DNAH8: variants seen among roughly 807,000 people sequenced by gnomAD.
The protein encoded by DNAH8 is axonemal beta dynein heavy chain 8.
In DNAH8, 382 loss-of-function variants were observed where a neutral mutation model predicts 562.1. The ratio of observed to expected loss-of-function variants is 0.68; its 90% CI spans 0.63 to 0.74. The LOEUF is 0.74. DNAH8 is among the 30% of genes least tolerant of loss of function. The probability of loss-of-function intolerance (pLI) is 0.00; values close to 1 mark genes in which losing one functional copy is unlikely to be tolerated. For synonymous variants in DNAH8, 1,881 were observed against 1,919.4 expected (o/e 0.98, Z 0.52); for missense variants, 5,203 against 5,620.4 (o/e 0.93, Z 2.37).
In DNAH8 at chr6:38,931,799, G is replaced by T; in HGVS notation, c.11275-12G>T. The T allele has an allele frequency of 8.6e-6, 13 of 1,518,964 alleles. No individual in the cohort carries two copies. The highest frequency in any genetic ancestry group is 1.3e-5 in the South Asian group (1 of 75,482). 94.1% of individuals were successfully genotyped at this position (1,518,964 alleles called of 1,614,324 possible). The stretch of plus-strand genomic sequence containing the variant: ...TTAAGCTGTTTTTAATTTTATATGT[G>T]AATTTATGTAGGTGAAAGTCGGTGA... On this transcript the variant is annotated splice_polypyrimidine_tract_variant and intron_variant, in intron 75 of 92. Transcript: ENST00000327475.
intron 76 of DNAH8, among the ~76,000 whole-genome samples, chr6:38,935,320 G>A (rs377709571): frequency 6.6e-6 from 1 of 152,202 alleles, no homozygotes; most frequent in Non-Finnish European, 1.5e-5. Context: ...GAGAGCTTGG[G>A]GTAATTGGGC....
At position 38,915,207 on chromosome 6, in the gene DNAH8, G is replaced by A. The variant is rs1375381076; in HGVS notation, c.9970G>A (p.Ala3324Thr). 6.3e-7 allele frequency: 1 copy of A among 1,599,262 alleles called. No individual in the cohort carries two copies. Among genetic ancestry groups the A allele is most frequent in the Non-Finnish European group, 8.5e-7 (1 of 1,175,266 alleles). Residue 3324 changes from alanine to threonine, a missense_variant, in exon 68 of 93, where the codon GCA becomes ACA. Transcript: ENST00000327475. Reference protein sequence around the residue: ...VASIKADEVLAEVTVSAQASA... With the variant: ...VASIKADEVLTEVTVSAQASA... ...TGTTTCCTCAACTTAACAGGTATTAGCAGAAGTCACAGTAAGCGCTCAGGC... is the reference window on the plus strand; with the variant it reads ...TGTTTCCTCAACTTAACAGGTATTAACAGAAGTCACAGTAAGCGCTCAGGC...
At chr6:38,862,164 G>T in intron 43 of DNAH8, 116 bp from the exon 44 acceptor site, 2 of 823,954 alleles carry the variant, frequency 2.4e-6, no homozygotes, top group Non-Finnish European at 3.8e-6. Context: ...CTTTTATGTG[G>T]GCTACTCAGA....
At chr6:38,815,370 C>G (rs151098346) in intron 25 of DNAH8, 98 bp from the exon 26 acceptor site, 1 of 933,666 alleles carries the variant, frequency 1.1e-6, no homozygotes, top group Non-Finnish European at 1.6e-6. Flanking sequence ...CTGGGCCAGC[C>G]GAGGCTTGCC....
intron 48 of DNAH8, 52 bp from the exon 49 acceptor site, chr6:38,870,349 T>C: frequency 6.4e-7 from 1 of 1,552,644 alleles, no homozygotes; most frequent in Non-Finnish European, 8.9e-7. Context: ...AGCTAGCTGA[T>C]AAATGTTTGT....
rs377254876 is a variant in DNAH8, at chr6:38,874,068, T to TTCTTTCTTTTTCTTTCTTTCTTTCTTTC, written c.7620+693_7620+694insCTTTCTTTTTCTTTCTTTCTTTCTTTCT. Among the ~76,000 whole-genome samples the TTCTTTCTTTTTCTTTCTTTCTTTCTTTC allele has an allele frequency of 4.9e-4, 28 of 57,076 alleles. 11 individuals are homozygous for TTCTTTCTTTTTCTTTCTTTCTTTCTTTC. The highest frequency in any genetic ancestry group is 1.4e-3 in the South Asian group (2 of 1,408). 37.4% of individuals were successfully genotyped at this position (57,076 alleles called of 152,430 possible). On this transcript the variant is annotated intron_variant, in intron 52 of 92. Transcript: ENST00000327475. Reference sequence around the variant, plus strand: ...TTTCTTTCTTTCTTTCTTTCTTTCTTTTTCTTTCTTTCTTTCTTTCTTTCT... The same window carrying TTCTTTCTTTTTCTTTCTTTCTTTCTTTC: ...TTTCTTTCTTTCTTTCTTTCTTTCTTTCTTTCTTTTTCTTTCTTTCTTTCTTTCTTTCTTTCTTTCTTTCTTTCTTTCT...
chr6:39,008,233 A>G (rs1765924823), intron 88 of DNAH8, among the ~76,000 whole-genome samples: 1 of 152,052 alleles, frequency 6.6e-6, no homozygotes, highest in Non-Finnish European at 1.5e-5. Context: ...TACATGGTAA[A>G]TCTTTATTGA....
chr6:38,874,068 T>TTCTTTCTTTCTTTCTCTTTC (rs377254876), intron 52 of DNAH8, among the ~76,000 whole-genome samples: 2 of 57,062 alleles, frequency 3.5e-5, no homozygotes, highest in African/African-American at 6.4e-5. Context: ...CTTTCTTTCT[T>TTCTTTCTTTCTTTCTCTTTC]TTTCTTTCTT....
At chr6:38,944,274 T>G (rs1561896649) in intron 79 of DNAH8, among the ~76,000 whole-genome samples, 1 of 152,158 alleles carries the variant, frequency 6.6e-6, no homozygotes, top group East Asian at 1.9e-4. Flanking sequence ...GGTTTACACA[T>G]TGTTCTAAAG....
chr6:39,012,096 T>A (rs1766249090), intron 89 of DNAH8, 119 bp from the exon 90 acceptor site: 3 of 649,690 alleles, frequency 4.6e-6, no homozygotes, highest in Non-Finnish European at 7.3e-6. Flanking sequence ...ATTTTAGAAT[T>A]CATTTGGGCT....
At chr6:38,819,937 A>C (rs538025834) in intron 26 of DNAH8, among the ~76,000 whole-genome samples, 1 of 152,344 alleles carries the variant, frequency 6.6e-6, no homozygotes, top group South Asian at 2.1e-4. Flanking sequence ...TTTTGGAGAA[A>C]ATATTACTGA....
At chr6:38,924,506 C>T (rs982269270) in intron 73 of DNAH8, among the ~76,000 whole-genome samples, 1 of 151,578 alleles carries the variant, frequency 6.6e-6, no homozygotes, top group African/African-American at 2.4e-5. Context: ...CTCCATCCCC[C>T]CCCCAAAAAA....
intron 3 of DNAH8, among the ~76,000 whole-genome samples, chr6:38,728,456 T>G (rs1763403240): frequency 9.2e-6 from 1 of 108,190 alleles, no homozygotes; most frequent in Admixed American, 8.7e-5. Flanking sequence ...ACAATGTATC[T>G]AAAATGCAAG....
chr6:38,759,494 A>G (rs1766285339), intron 10 of DNAH8, among the ~76,000 whole-genome samples: 1 of 152,174 alleles, frequency 6.6e-6, no homozygotes, highest in Non-Finnish European at 1.5e-5. Flanking sequence ...AGACTCTCAG[A>G]ATCCTTCCTC....
At chr6:38,956,363 T>A (rs1362305025) in intron 82 of DNAH8, among the ~76,000 whole-genome samples, 1 of 152,130 alleles carries the variant, frequency 6.6e-6, no homozygotes, top group East Asian at 1.9e-4. Flanking sequence ...TCAGCCATCA[T>A]CCTCCAGCAG....
chr6:38,999,580 AG>A (rs985191976), intron 88 of DNAH8, among the ~76,000 whole-genome samples: 2 of 152,002 alleles, frequency 1.3e-5, no homozygotes, highest in Non-Finnish European at 2.9e-5. Context: ...CTGTGTTTTG[AG>A]GACTATTTAT....
intron 75 of DNAH8, 23 bp downstream of exon 75, chr6:38,929,689 A>G (rs540956409): frequency 8.9e-5 from 134 of 1,497,350 alleles, no homozygotes; most frequent in Admixed American, 2.3e-4. Context: ...AAAAAAAAAA[A>G]AAAGAAAGAA....
At chr6:38,763,026 G>A (rs1375373259) in intron 11 of DNAH8, 9 of 405,652 alleles carry the variant, frequency 2.2e-5, no homozygotes, top group Non-Finnish European at 3.4e-5. Flanking sequence ...GCTACACAGA[G>A]ACAGATCAAA....
intron 79 of DNAH8, among the ~76,000 whole-genome samples, chr6:38,943,643 T>A (rs1783627185): frequency 6.6e-6 from 1 of 152,202 alleles, no homozygotes; most frequent in Non-Finnish European, 1.5e-5. Context: ...TTCTTCCCTG[T>A]CTGGTTATTT....
Sources: gnomAD v4.1 joint callset for allele counts (sites outside exome capture counted in the v4.1 genomes callset) on GRCh38, gnomAD v4.1.1 for gene constraint, MANE v1.5 for transcripts, NCBI Gene and HGNC (gene_info 2026-07-23, HGNC 2026-07-21) for gene names.